The following GANC variants were observed in gnomAD, a reference collection of about 807,000 sequenced individuals.
The protein encoded by GANC is neutral alpha-glucosidase C.
In GANC, 117 loss-of-function variants were observed where a neutral mutation model predicts 124.2. That is an observed-to-expected ratio of 0.94 (90% CI 0.81 to 1.10). The LOEUF is 1.10. Among genes scored for constraint, GANC ranks in the 50% least tolerant of loss-of-function variants. The pLI, the probability that GANC is intolerant of heterozygous loss-of-function variation, is 0.00. For synonymous variants in GANC, 377 were observed against 376.8 expected, an observed-to-expected ratio of 1.00 and a Z score of -0.01; for missense variants, 1,140 against 1,095.0, an observed-to-expected ratio of 1.04 and a Z score of -0.58.
intron 8 of GANC, 93 bp downstream of exon 8, chr15:42,308,411 T>C (rs2052018921): frequency 3.9e-6 from 3 of 775,770 alleles, no homozygotes; most frequent in Non-Finnish European, 6.6e-6. Context: ...AGTGCTAATA[T>C]GTGCCAGGCC....
rs138168705 is a variant in GANC, at chr15:42,346,983, A to G, written c.2305-1120A>G. Among the ~76,000 whole-genome samples the G allele has an allele frequency of 8.7e-4, 133 of 152,310 alleles. 1 individual carries two copies. Among genetic ancestry groups the G allele is most frequent in the African/African-American group, 3.1e-3 (128 of 41,566 alleles). ...TTCAGATACCAACTTTCAGATCTAG[A>G]AGAGAACTTAACAATTATCTACTCT... On this transcript the variant is annotated intron_variant, in intron 20 of 23. Transcript: ENST00000318010.
intron 15 of GANC, among the ~76,000 whole-genome samples, chr15:42,336,723 C>T (rs914680160): frequency 6.6e-6 from 1 of 152,146 alleles, no homozygotes; most frequent in Non-Finnish European, 1.5e-5. Flanking sequence ...AAAATATTTA[C>T]AAACTATGCA....
At chr15:42,274,735 G>A (rs1202462765) in intron 1 of GANC, among the ~76,000 whole-genome samples, 1 of 152,068 alleles carries the variant, frequency 6.6e-6, no homozygotes, top group African/African-American at 2.4e-5. Flanking sequence ...CAGCACTTTG[G>A]GAGGCTAAGG....
rs772377880 is a variant in GANC, at chr15:42,348,205, C to G, written c.2407C>G (p.Leu803Val). Residue 803 changes from leucine to valine, a missense_variant, in exon 21 of 24, where the codon CTA (leucine) becomes GTA (valine). Transcript: ENST00000318010. The part of the protein sequence containing the change: ...TESSYGLRVA[L>V]STKGSSVGEL... ...ATCCTCCTATGGACTCCGGGTTGCT[C>G]TAAGCACTAAGGTATTTGGTAAATC... 1.9e-6 allele frequency: 3 copies of G among 1,603,452 alleles called. No homozygotes were observed. The highest frequency in any genetic ancestry group is 3.4e-5 in the Admixed American group (2 of 59,550).
intron 12 of GANC, 83 bp downstream of exon 12, chr15:42,326,507 T>C (rs1042476960): frequency 6.3e-7 from 1 of 1,589,234 alleles, no homozygotes; most frequent in Non-Finnish European, 8.6e-7. Context: ...TTCTGCTCCC[T>C]TGTAGATGTC....
chr15:42,301,459 T>G (rs1595769575), intron 6 of GANC, among the ~76,000 whole-genome samples: 1 of 151,804 alleles, frequency 6.6e-6, no homozygotes. Context: ...GCAGGGGTTT[T>G]TTTTTTTCAT....
intron 22 of GANC, among the ~76,000 whole-genome samples, chr15:42,350,465 T>C (rs1473031733): frequency 6.6e-6 from 1 of 152,126 alleles, no homozygotes; most frequent in Non-Finnish European, 1.5e-5. Flanking sequence ...TTGTAACTTT[T>C]GTGTTCTTCA....
chr15:42,349,553 C>T (rs2052403532), intron 22 of GANC, 58 bp downstream of exon 22: 1 of 987,216 alleles, frequency 1.0e-6, no homozygotes, highest in Admixed American at 1.8e-5. Flanking sequence ...ATCCGTTCAG[C>T]ATCCTCAAAT....
chr15:42,339,631 A>G, intron 16 of GANC, 38 bp from the exon 17 acceptor site: 3 of 1,601,216 alleles, frequency 1.9e-6, no homozygotes, highest in Non-Finnish European at 2.6e-6. Context: ...CATTTATCCA[A>G]AGCTTGGTTG....
intron 6 of GANC, among the ~76,000 whole-genome samples, chr15:42,300,048 G>GC (rs1478273908): frequency 6.6e-6 from 1 of 152,266 alleles, no homozygotes; most frequent in Admixed American, 6.5e-5. Flanking sequence ...CAGGACATAG[G>GC]CGTGGGCAAA....
At position 42,274,444 on chromosome 15, in the gene GANC, CCTGAGAG is replaced by C; in HGVS notation, c.-34_-28del. The C allele has an allele frequency of 6.2e-7, 1 of 1,605,526 alleles. No individual in the cohort carries two copies. The highest frequency in any genetic ancestry group is 2.2e-5 in the East Asian group (1 of 44,754). ...TTAAAAGATCGCCCAGGGCCCTTGT[CCTGAGAG>C]CTGGGAGCTGGTCGGAGTGACAGAG... On this transcript the variant is annotated 5_prime_UTR_variant, in exon 1 of 24. It removes the in-frame stop codon of an upstream open reading frame in the 5' UTR. Transcript: ENST00000318010.
chr15:42,310,729 C>G lies in GANC; in HGVS notation c.940C>G (p.Gln314Glu). The G allele has an allele frequency of 6.2e-7, 1 of 1,613,646 alleles. No individual in the cohort carries two copies. The part of the protein sequence containing the change: ...LTQMGPVAAK[Q>E]KVRSRTHVHW... ...CCAGATGGGCCCAGTTGCTGCTAAACAAAAGGTCAGATCTCGCACTCATGT... is the reference window on the plus strand; with the variant it reads ...CCAGATGGGCCCAGTTGCTGCTAAAGAAAAGGTCAGATCTCGCACTCATGT... Residue 314 changes from glutamine to glutamate, a missense_variant, in exon 10 of 24, where the codon CAA becomes GAA. Coordinates refer to ENST00000318010, the MANE Select transcript of GANC (RefSeq NM_198141.3).
chr15:42,341,651 C>A (rs2052330107), intron 18 of GANC, among the ~76,000 whole-genome samples: 1 of 151,966 alleles, frequency 6.6e-6, no homozygotes, highest in African/African-American at 2.4e-5. Context: ...GCAACCTCTG[C>A]CTCCGGGGCT....
chr15:42,290,032 C>T (rs1041708991), intron 4 of GANC, among the ~76,000 whole-genome samples: 30 of 152,174 alleles, frequency 2.0e-4, no homozygotes, highest in African/African-American at 6.3e-4. Flanking sequence ...GACTTCTAGC[C>T]TCAAAAATTA....
rs2052468401 is a variant in GANC, at chr15:42,352,928, G to A, written c.*789G>A. ...CTAGGATGAGGCAAGGGAGACCCTG[G>A]CCTTGGGCACAAAATGTAAGGGATG... On this transcript the variant is annotated 3_prime_UTR_variant, in exon 24 of 24. Coordinates refer to ENST00000318010, the MANE Select transcript of GANC (RefSeq NM_198141.3). The A allele has an allele frequency of 1.7e-5, 8 of 481,402 alleles. No homozygotes were observed. Among genetic ancestry groups the A allele is most frequent in the Non-Finnish European group, 2.2e-5 (8 of 369,500 alleles). The allele number at this position is 481,402 out of a possible 1,614,324, so 29.8% of individuals were successfully genotyped here.
At position 42,292,891 on chromosome 15, in the gene GANC, G is replaced by A. The variant is rs1477278470; in HGVS notation, c.486G>A (p.Glu162=). Residue 162 remains glutamate (E), a synonymous_variant, in exon 5 of 24, where the codon GAG becomes GAA. Transcript: ENST00000318010. The part of the protein sequence containing the change: ...SINSLGQLYF[E]HLQILHKQRA... ...ATTCCCTGGGCCAATTATACTTTGA[G>A]CATCTACAGATTCTTCACAAACAAA... is the stretch of plus-strand genomic sequence containing the variant. 1.2e-6 allele frequency: 2 copies of A among 1,613,922 alleles called. No individual in the cohort carries two copies. The highest frequency in any genetic ancestry group is 1.7e-5 in the Admixed American group (1 of 59,998).
At position 42,312,657 on chromosome 15, in the gene GANC, T is replaced by G. The variant is rs144489221; in HGVS notation, c.1057+1811T>G. On this transcript the variant is annotated intron_variant, in intron 10 of 23. Transcript: ENST00000318010. ...TATGGCAATCAAAAGAACATGCCAC[T>G]GCCCAGGCACGGTGGCCCATGCCTG... Among the ~76,000 whole-genome samples, 1,192 of 152,324 alleles carry G rather than the reference T, an allele frequency of 7.8e-3. 14 individuals are homozygous for G. The highest frequency in any genetic ancestry group is 0.027 in the African/African-American group (1,138 of 41,580).
chr15:42,326,573 C>G (rs1595779245), intron 12 of GANC, 149 bp downstream of exon 12: 6 of 1,302,272 alleles, frequency 4.6e-6, no homozygotes, highest in East Asian at 2.5e-5. Context: ...ATAGGTTTGC[C>G]TTCTTTTGTA....
At chr15:42,311,960 A>G (rs1485282084) in intron 10 of GANC, among the ~76,000 whole-genome samples, 5 of 152,238 alleles carry the variant, frequency 3.3e-5, no homozygotes, top group Non-Finnish European at 4.4e-5. Flanking sequence ...ACCTAGGAAT[A>G]CACTTAACAA....
Sources: allele counts gnomAD v4.1 joint callset (sites outside exome capture counted in the v4.1 genomes callset), GRCh38; gene constraint gnomAD v4.1.1; transcripts MANE v1.5; gene names NCBI Gene and HGNC (gene_info 2026-07-23, HGNC 2026-07-21).